Variants in NTRK3 observed in about 807,000 individuals in gnomAD.
NTRK3 encodes the protein NT-3 growth factor receptor.
In NTRK3, 24 loss-of-function variants were observed where a neutral mutation model predicts 91.7. The ratio of observed to expected loss-of-function variants is 0.26; its 90% CI spans 0.19 to 0.37. The LOEUF is 0.37. NTRK3 is among the 10% of genes least tolerant of loss of function. NTRK3 has a pLI of 1.00. For synonymous variants in NTRK3, 483 were observed against 404.0 expected (o/e 1.20, Z -2.34); for missense variants, 880 against 1,068.9 (o/e 0.82, Z 2.46).
chr15:87,927,860 T>A (rs1312980911), intron 17 of NTRK3: 2 of 152,264 alleles, frequency 1.3e-5, no homozygotes, highest in Admixed American at 1.3e-4. Flanking sequence ...GTATTTGTTA[T>A]AACAGCTGAA....
At chr15:87,935,206 A>G (rs1029038788) in intron 15 of NTRK3, among the ~76,000 whole-genome samples, 1 of 152,194 alleles carries the variant, frequency 6.6e-6, no homozygotes, top group Non-Finnish European at 1.5e-5. Flanking sequence ...ACATGGAAGT[A>G]TAGAAGAGAG....
chr15:88,132,110 A>C (rs2041415161), intron 10 of NTRK3: 2 of 183,276 alleles, frequency 1.1e-5, no homozygotes, highest in African/African-American at 2.4e-5. Context: ...CAGAGCTGAC[A>C]AGTGATTGAG....
chr15:88,246,109 C>T (rs1418356218), intron 3 of NTRK3, among the ~76,000 whole-genome samples: 1 of 152,192 alleles, frequency 6.6e-6, no homozygotes, highest in Admixed American at 6.5e-5. Flanking sequence ...AGCAGCAGAC[C>T]CTGTCTCTAA....
At chr15:87,976,808 C>T (rs1370092301) in intron 14 of NTRK3, among the ~76,000 whole-genome samples, 3 of 152,278 alleles carry the variant, frequency 2.0e-5, no homozygotes, top group East Asian at 1.9e-4. Context: ...CCCAAAGCCC[C>T]GTCTTTCCTT....
At chr15:88,095,698 T>C (rs1301940555) in intron 13 of NTRK3, among the ~76,000 whole-genome samples, 7 of 152,216 alleles carry the variant, frequency 4.6e-5, no homozygotes, top group Non-Finnish European at 8.8e-5. Context: ...GAGGAGTACC[T>C]TTAGGTCTAA....
At chr15:88,164,845 T>G (rs952359117) in intron 5 of NTRK3, among the ~76,000 whole-genome samples, 1 of 152,242 alleles carries the variant, frequency 6.6e-6, no homozygotes, top group Non-Finnish European at 1.5e-5. Flanking sequence ...ATTTATACCA[T>G]GCAGTCTTTT....
chr15:87,968,048 T>A (rs2072938620), intron 14 of NTRK3, among the ~76,000 whole-genome samples: 1 of 152,152 alleles, frequency 6.6e-6, no homozygotes, highest in Admixed American at 6.5e-5. Context: ...GATTCATGTG[T>A]CAAAACTATT....
exon 19 of NTRK3, chr15:87,867,977 G>A (rs2064731474): frequency 4.4e-6 from 1 of 229,530 alleles, no homozygotes; most frequent in Non-Finnish European, 8.6e-6. Flanking sequence ...AATTTCATGA[G>A]CTCCAAAGTG....
intron 14 of NTRK3, among the ~76,000 whole-genome samples, chr15:87,943,361 G>A (rs978968746): frequency 3.9e-5 from 6 of 152,028 alleles, no homozygotes; most frequent in African/African-American, 1.4e-4. Flanking sequence ...TAGCTCAAAG[G>A]TCCTCCTTCC....
rs1370504327 is a variant in NTRK3, at chr15:87,869,605, G to A, written c.*7330C>T. The A allele has an allele frequency of 1.9e-5, 4 of 210,214 alleles. No individual in the cohort carries two copies. The East Asian group carries it at 2.8e-4, about 15-fold the overall frequency. 13.0% of individuals were successfully genotyped at this position (210,214 alleles called of 1,614,324 possible). A position where few individuals can be genotyped will look rare whatever the true frequency, so the allele number is the denominator to read the frequency against. ...GTATTAAGACTTTCGTGGAGTTTGA[G>A]AAGCTGGATTGTCAGTCCCATGGAA... On this transcript the variant is annotated 3_prime_UTR_variant, in exon 19 of 19. Transcript: ENST00000394480.
chr15:87,868,998 T>C (rs2064758037), exon 19 of NTRK3: 1 of 228,690 alleles, frequency 4.4e-6, no homozygotes, highest in African/African-American at 2.2e-5. Flanking sequence ...CAGGGCTCAA[T>C]GACTTAGGAC....
chr15:88,019,748 G>A (rs905954557), intron 14 of NTRK3, among the ~76,000 whole-genome samples: 12 of 152,196 alleles, frequency 7.9e-5, no homozygotes, highest in Non-Finnish European at 1.8e-4. Flanking sequence ...CAGAAAGGCA[G>A]AGGCAGGAGA....
chr15:88,164,521 G>T (rs537593647), intron 5 of NTRK3, among the ~76,000 whole-genome samples: 52 of 152,246 alleles, frequency 3.4e-4, no homozygotes, highest in Admixed American at 1.0e-3. Flanking sequence ...ACATCTGACA[G>T]CTATCTTTAC....
intron 5 of NTRK3, among the ~76,000 whole-genome samples, chr15:88,152,110 G>A (rs1416016550): frequency 6.6e-6 from 1 of 152,156 alleles, no homozygotes; most frequent in Non-Finnish European, 1.5e-5. Context: ...AGACCAGCCT[G>A]GCCAACATGG....
intron 13 of NTRK3, among the ~76,000 whole-genome samples, chr15:88,112,068 A>G (rs374387996): frequency 2.1e-4 from 32 of 152,014 alleles, no homozygotes; most frequent in East Asian, 3.9e-4. Context: ...CACCACGCCC[A>G]GCTAATTTTT....
intron 13 of NTRK3, among the ~76,000 whole-genome samples, chr15:88,047,150 G>C (rs971932272): frequency 6.6e-6 from 1 of 152,150 alleles, no homozygotes; most frequent in Non-Finnish European, 1.5e-5. Context: ...GAAATCCCAT[G>C]TGCACTCCCT....
chr15:88,231,802 A>C (rs1211986987), intron 3 of NTRK3, among the ~76,000 whole-genome samples: 1 of 152,196 alleles, frequency 6.6e-6, no homozygotes, highest in African/African-American at 2.4e-5. Context: ...AACCTACTGT[A>C]AGATTGAAAG....
intron 17 of NTRK3, among the ~76,000 whole-genome samples, chr15:87,895,613 C>T (rs2066072501): frequency 1.3e-5 from 2 of 152,078 alleles, no homozygotes; most frequent in African/African-American, 4.8e-5. Flanking sequence ...AATCTCCTTC[C>T]CCCTTTGTTT....
chr15:88,013,893 T>C (rs1205648538), intron 14 of NTRK3, among the ~76,000 whole-genome samples: 1 of 152,024 alleles, frequency 6.6e-6, no homozygotes. Context: ...TGAGCCAATA[T>C]CACACCACTG....
Sources: gnomAD v4.1 joint callset for allele counts (sites outside exome capture counted in the v4.1 genomes callset) on GRCh38, gnomAD v4.1.1 for gene constraint, MANE v1.5 for transcripts, NCBI Gene and HGNC (gene_info 2026-07-23, HGNC 2026-07-21) for gene names.